ZBTB20: variants seen among roughly 807,000 people sequenced by gnomAD.
ZBTB20 encodes the protein zinc finger and BTB domain-containing protein 20.
In ZBTB20, 9 loss-of-function variants were observed where a neutral mutation model predicts 56.9. The ratio of observed to expected loss-of-function variants is 0.16; its 90% CI spans 0.10 to 0.28. ZBTB20 has a LOEUF of 0.28. Among genes scored for constraint, ZBTB20 ranks in the 10% least tolerant of loss-of-function variants. The pLI, the probability that ZBTB20 is intolerant of heterozygous loss-of-function variation, is 1.00. For missense variants in ZBTB20, 655 were observed against 1,003.0 expected (o/e 0.65, Z 4.69); for synonymous variants, 417 against 420.7 (o/e 0.99, Z 0.11).
intron 5 of ZBTB20, among the ~76,000 whole-genome samples, chr3:114,789,609 C>T (rs115319489): frequency 6.5e-4 from 99 of 152,090 alleles, no homozygotes; most frequent in African/African-American, 2.2e-3. Context: ...CTGGAGCATA[C>T]TGAGATGAAG....
intron 5 of ZBTB20, among the ~76,000 whole-genome samples, chr3:114,772,266 G>A (rs1202028772): frequency 6.6e-6 from 1 of 152,068 alleles, no homozygotes; most frequent in East Asian, 1.9e-4. Flanking sequence ...GCTTGAACCT[G>A]GGAGATGGAG....
intron 3 of ZBTB20, among the ~76,000 whole-genome samples, chr3:114,918,511 C>T (rs1029838481): frequency 1.2e-4 from 19 of 152,112 alleles, no homozygotes; most frequent in African/African-American, 4.3e-4. Flanking sequence ...TCACTCAATG[C>T]CCATGACATG....
chr3:115,129,785 G>T (rs1161970811), intron 1 of ZBTB20, among the ~76,000 whole-genome samples: 1 of 152,138 alleles, frequency 6.6e-6, no homozygotes, highest in Non-Finnish European at 1.5e-5. Flanking sequence ...AGAAGTACCT[G>T]AATAAAATCT....
At chr3:114,841,000 T>C (rs1446729712) in intron 4 of ZBTB20, among the ~76,000 whole-genome samples, 10 of 152,188 alleles carry the variant, frequency 6.6e-5, no homozygotes, top group Non-Finnish European at 1.3e-4. Context: ...TTTGTAGCTA[T>C]TGTAATTTAT....
chr3:114,870,720 A>C (rs977488618), intron 4 of ZBTB20, among the ~76,000 whole-genome samples: 8 of 152,110 alleles, frequency 5.3e-5, no homozygotes, highest in Non-Finnish European at 1.2e-4. Flanking sequence ...GAAAATACCA[A>C]GAAGAATAAG....
chr3:114,533,096 A>G (rs146199204), intron 6 of ZBTB20, among the ~76,000 whole-genome samples: 276 of 152,278 alleles, frequency 1.8e-3, no homozygotes, highest in Non-Finnish European at 3.0e-3. Context: ...CCAAAAAATC[A>G]CAACTCCTCA....
chr3:114,979,226 A>G (rs2078233221), intron 2 of ZBTB20, among the ~76,000 whole-genome samples: 1 of 152,022 alleles, frequency 6.6e-6, no homozygotes, highest in African/African-American at 2.4e-5. Context: ...CTGTGAACAT[A>G]CTTTTACAAG....
At chr3:114,841,284 A>C (rs1385159059) in intron 4 of ZBTB20, among the ~76,000 whole-genome samples, 1 of 152,136 alleles carries the variant, frequency 6.6e-6, no homozygotes, top group Non-Finnish European at 1.5e-5. Flanking sequence ...CACATGGGGG[A>C]AGAAAAGAGT....
chr3:114,458,001 C>T (rs1323000336), intron 7 of ZBTB20, among the ~76,000 whole-genome samples: 3 of 152,134 alleles, frequency 2.0e-5, no homozygotes, highest in South Asian at 2.1e-4. Context: ...ATCTTGTTTT[C>T]GAATTATAGA....
At position 114,333,004 on chromosome 3, in the gene ZBTB20, C is replaced by T. The variant is rs1239521207; in HGVS notation, c.*6001G>A. ...ACTCTAAAAAGGATGGAAACAAGCC[C>T]TACTGTTCCATAACCATTCCCAGGG... On this transcript the variant is annotated 3_prime_UTR_variant, in exon 12 of 12. Transcript: ENST00000675478. 7 of 152,196 alleles carry T rather than the reference C, an allele frequency of 4.6e-5. No homozygotes were observed. Among genetic ancestry groups the T allele is most frequent in the Non-Finnish European group, 7.3e-5 (5 of 68,038 alleles). The allele number at this position is 152,196 out of a possible 1,614,324, so 9.4% of individuals were successfully genotyped here.
At chr3:114,434,819 C>T (rs1025082198) in intron 7 of ZBTB20, among the ~76,000 whole-genome samples, 5 of 151,894 alleles carry the variant, frequency 3.3e-5, no homozygotes, top group African/African-American at 9.7e-5. Context: ...CTGTGAAAAC[C>T]GAGATTCAGG....
intron 3 of ZBTB20, among the ~76,000 whole-genome samples, chr3:114,913,896 G>A (rs1171964679): frequency 5.9e-5 from 9 of 151,672 alleles, no homozygotes; most frequent in Non-Finnish European, 8.8e-5. Flanking sequence ...CACTGTAAAC[G>A]TATGAATTTG....
intron 10 of ZBTB20, chr3:114,359,476 T>C (rs2081584379): frequency 6.6e-6 from 1 of 152,214 alleles, no homozygotes; most frequent in Non-Finnish European, 1.5e-5. Context: ...GAAGACTTGC[T>C]GGGACTAAGG....
chr3:114,995,405 T>C (rs1197255640), intron 2 of ZBTB20, among the ~76,000 whole-genome samples: 2 of 151,914 alleles, frequency 1.3e-5, no homozygotes, highest in Non-Finnish European at 2.9e-5. Context: ...TTGCTACTTT[T>C]AGCATGCCAT....
chr3:114,753,432 T>C (rs13101145), intron 5 of ZBTB20, among the ~76,000 whole-genome samples: 31,196 of 43,142 alleles, frequency 0.72, 14,090 homozygotes, highest in East Asian at 0.99. Context: ...TATATATATA[T>C]ACACACACAC....
intron 5 of ZBTB20, among the ~76,000 whole-genome samples, chr3:114,765,430 C>T (rs984853326): frequency 6.6e-6 from 1 of 152,160 alleles, no homozygotes; most frequent in Non-Finnish European, 1.5e-5. Flanking sequence ...AGGCAGAAAT[C>T]AGGGAGATGC....
rs566969706 is a variant in ZBTB20 at position 114,761,715 on chromosome 3, T to C, written c.-343+39386A>G. Among the ~76,000 whole-genome samples, 248 of 151,684 alleles carry C rather than the reference T, an allele frequency of 1.6e-3. 11 individuals carry two copies. The South Asian group carries it at 0.051, about 31-fold the overall frequency. Reference sequence around the variant, plus strand: ...ATGGGGTGGTGGCAGAAAGCTGTAATCCCATCTACTTGGGGGGCTGAGGTA... The same window carrying C: ...ATGGGGTGGTGGCAGAAAGCTGTAACCCCATCTACTTGGGGGGCTGAGGTA... On this transcript the variant is annotated intron_variant, in intron 5 of 11. Coordinates refer to ENST00000675478, the MANE Select transcript of ZBTB20 (RefSeq NM_001348800.3).
intron 6 of ZBTB20, among the ~76,000 whole-genome samples, chr3:114,623,031 GT>G (rs1204374021): frequency 6.6e-6 from 1 of 152,030 alleles, no homozygotes; most frequent in Non-Finnish European, 1.5e-5. Context: ...TGGCCACCAT[GT>G]TTTTTTGGTT....
At chr3:114,583,786 G>T (rs1257486131) in intron 6 of ZBTB20, among the ~76,000 whole-genome samples, 1 of 152,146 alleles carries the variant, frequency 6.6e-6, no homozygotes, top group Non-Finnish European at 1.5e-5. Context: ...TACTATAATA[G>T]CAAATGTTCT....
Sources: gnomAD v4.1 joint callset for allele counts (sites outside exome capture counted in the v4.1 genomes callset) on GRCh38, gnomAD v4.1.1 for gene constraint, MANE v1.5 for transcripts, NCBI Gene and HGNC (gene_info 2026-07-23, HGNC 2026-07-21) for gene names.